Variants in TRAPPC3 observed in about 807,000 individuals in gnomAD.
The protein encoded by TRAPPC3 is trafficking protein particle complex 3.
Under a neutral mutation model 18.2 loss-of-function variants are expected in TRAPPC3, and 5 were observed. The observed-to-expected ratio is 0.28, with a 90% CI of 0.14 to 0.58. The LOEUF is 0.58. Among genes scored for constraint, TRAPPC3 ranks in the 20% least tolerant of loss-of-function variants. TRAPPC3 has a pLI of 0.91. For missense variants in TRAPPC3, 176 were observed against 225.9 expected (o/e 0.78, Z 1.41); for synonymous variants, 65 against 84.2 (o/e 0.77, Z 1.25).
In TRAPPC3 at chr1:36,149,375, A is replaced by G; in HGVS notation, c.4T>C (p.Ser2Pro). MSRQANRGTESK... is the reference protein window; with the variant it reads MPRQANRGTESK... ...TCGGTGCCACGGTTCGCCTGCCTCGACATGGTGCCGGCCGCCCCGCCCCAC... is the reference window on the plus strand; with the variant it reads ...TCGGTGCCACGGTTCGCCTGCCTCGGCATGGTGCCGGCCGCCCCGCCCCAC... The change falls in exon 1 of 5, where the codon TCG (serine) becomes CCG (proline). Residue 2 changes from serine to proline, a missense_variant. Physicochemically the swap from Ser to Pro is moderately conservative, Grantham distance 74. This residue lies in a region of TRAPPC3 where 147 missense variants were observed against 164.3 expected (regional missense o/e 0.89). Coordinates refer to ENST00000373166, the MANE Select transcript of TRAPPC3 (RefSeq NM_014408.5). 1 of 1,613,120 alleles carries G rather than the reference A, an allele frequency of 6.2e-7. No individual in the cohort carries two copies.
upstream of TRAPPC3, among the ~76,000 whole-genome samples, chr1:36,151,762 CCTT>C (rs1408219305): frequency 6.6e-6 from 1 of 152,192 alleles, no homozygotes; most frequent in Non-Finnish European, 1.5e-5. Context: ...ACCCTCTTCT[CCTT>C]CTCCCTAGAA....
intron 1 of TRAPPC3, among the ~76,000 whole-genome samples, chr1:36,141,786 C>G (rs532712351): frequency 6.6e-6 from 1 of 151,712 alleles, no homozygotes. Flanking sequence ...GGTGAAACCC[C>G]GTCTCTACTA....
chr1:36,143,870 T>G (rs1472901254), intron 1 of TRAPPC3, among the ~76,000 whole-genome samples: 2 of 152,200 alleles, frequency 1.3e-5, no homozygotes, highest in Admixed American at 1.3e-4. Context: ...TTACCTGCCT[T>G]TCAGAGTTAC....
intron 3 of TRAPPC3, among the ~76,000 whole-genome samples, chr1:36,138,856 C>T (rs1644063688): frequency 6.6e-6 from 1 of 151,688 alleles, no homozygotes; most frequent in Non-Finnish European, 1.5e-5. Flanking sequence ...CATGGAGAAA[C>T]CCCATCTCTA....
upstream of TRAPPC3, among the ~76,000 whole-genome samples, chr1:36,153,030 A>C (rs911906176): frequency 6.6e-6 from 1 of 152,024 alleles, no homozygotes; most frequent in African/African-American, 2.4e-5. Flanking sequence ...GGAACAGCTC[A>C]CTCATGCCTG....
intron 3 of TRAPPC3, among the ~76,000 whole-genome samples, chr1:36,139,109 TA>T (rs1156574779): frequency 1.3e-5 from 2 of 148,900 alleles, no homozygotes; most frequent in African/African-American, 2.5e-5. Flanking sequence ...GTAACTTATC[TA>T]AAAACACAAA....
chr1:36,149,747 C>A (rs1214905063), upstream of TRAPPC3, among the ~76,000 whole-genome samples: 1 of 152,192 alleles, frequency 6.6e-6, no homozygotes, highest in Non-Finnish European at 1.5e-5. Flanking sequence ...CACACGCTTC[C>A]TCCTTGTCCC....
At chr1:36,141,495 T>C (rs1644106900) in intron 1 of TRAPPC3, among the ~76,000 whole-genome samples, 2 of 152,200 alleles carry the variant, frequency 1.3e-5, no homozygotes, top group South Asian at 4.1e-4. Flanking sequence ...GCCATCCCCA[T>C]GGCCTGATGA....
At chr1:36,137,612 G>A in intron 4 of TRAPPC3, 184 bp downstream of exon 4, 1 of 686,956 alleles carries the variant, frequency 1.5e-6, no homozygotes, top group Non-Finnish European at 2.4e-6. Context: ...CACCAGCCTG[G>A]TATGGAGGAG....
In TRAPPC3 at chr1:36,137,242, G is replaced by C. The variant is rs1039592815; in HGVS notation, c.504C>G (p.Ile168Met). The stretch of plus-strand genomic sequence containing the variant: ...CTGGAAGATTGTCCTCAATCCGCCT[G>C]ATGAATCTCATCCGGATTTCTGTCA... Reference protein sequence around the residue: ...DGVTEIRMRFIRRIEDNLPAG... With the variant: ...DGVTEIRMRFMRRIEDNLPAG... Residue 168 changes from isoleucine to methionine, a missense_variant, in exon 5 of 5, where the codon ATC (isoleucine) becomes ATG (methionine). Coordinates refer to ENST00000373166, the MANE Select transcript of TRAPPC3 (RefSeq NM_014408.5). 1.2e-6 allele frequency: 2 copies of C among 1,613,086 alleles called. No homozygotes were observed. Among genetic ancestry groups the C allele is most frequent in the Non-Finnish European group, 8.5e-7 (1 of 1,179,110 alleles).
chr1:36,149,516 G>A (rs1644251835), upstream of TRAPPC3: 1 of 1,129,562 alleles, frequency 8.9e-7, no homozygotes, highest in Non-Finnish European at 1.3e-6. Context: ...GCCTCCCGCG[G>A]GGCACCACGG....
chr1:36,143,822 G>T (rs574980808), intron 1 of TRAPPC3, among the ~76,000 whole-genome samples: 9 of 152,284 alleles, frequency 5.9e-5, no homozygotes, highest in African/African-American at 2.2e-4. Flanking sequence ...TAATCTTCCT[G>T]AACATTAGTT....
intron 4 of TRAPPC3, 106 bp downstream of exon 4, chr1:36,137,690 G>A (rs1018480314): frequency 1.5e-5 from 18 of 1,230,204 alleles, no homozygotes; most frequent in Admixed American, 4.8e-5. Context: ...GCAGTAAAGC[G>A]CTGGGGTGAG....
chr1:36,141,473 A>G (rs1000234844), intron 1 of TRAPPC3, among the ~76,000 whole-genome samples: 1 of 152,202 alleles, frequency 6.6e-6, no homozygotes, highest in Admixed American at 6.5e-5. Flanking sequence ...CTGAGGACCC[A>G]ATGCTCCTCA....
intron 1 of TRAPPC3, among the ~76,000 whole-genome samples, chr1:36,146,130 G>A (rs1644194888): frequency 6.6e-6 from 1 of 151,748 alleles, no homozygotes; most frequent in South Asian, 2.1e-4. Flanking sequence ...CCAGGCGGGA[G>A]TGCCGTGGTG....
At position 36,137,799 on chromosome 1, in the gene TRAPPC3, C is replaced by G. The variant is rs1384802966; in HGVS notation, c.420G>C (p.Glu140Asp). The G allele has an allele frequency of 6.2e-7, 1 of 1,613,452 alleles. No homozygotes were observed. Among genetic ancestry groups the G allele is most frequent in the Admixed American group, 1.7e-5 (1 of 59,918 alleles). The change falls in exon 4 of 5, where the codon GAG becomes GAC. Residue 140 changes from glutamate (E) to aspartate (D), a missense_variant. Around this residue, in one of 2 missense-constraint regions of TRAPPC3, gnomAD observed 29 missense variants for 61.5 expected, o/e 0.47. Coordinates refer to ENST00000373166, the MANE Select transcript of TRAPPC3 (RefSeq NM_014408.5). Reference protein sequence around the residue: ...LLCGVLRGALEMVQMAVEAKF... With the variant: ...LLCGVLRGALDMVQMAVEAKF... ...GAAGATAAAGAGTTGCACTCACCAT[C>G]TCCAAAGCTCCCCGCAACACCCCAC...
At chr1:36,153,418 G>A (rs1266180675), upstream of TRAPPC3, among the ~76,000 whole-genome samples, 2 of 152,166 alleles carry the variant, frequency 1.3e-5, no homozygotes, top group Non-Finnish European at 2.9e-5. Context: ...CACTCCCTGT[G>A]GACTCATCAG....
intron 1 of TRAPPC3, among the ~76,000 whole-genome samples, chr1:36,147,537 G>A (rs1182375119): frequency 1.3e-5 from 2 of 152,028 alleles, no homozygotes; most frequent in Non-Finnish European, 1.5e-5. Flanking sequence ...CCAGCTACTT[G>A]GGAGGCTGAG....
chr1:36,146,823 A>T (rs578138252), intron 1 of TRAPPC3, among the ~76,000 whole-genome samples: 2 of 152,316 alleles, frequency 1.3e-5, no homozygotes, highest in South Asian at 4.1e-4. Flanking sequence ...AAAGTTAGGG[A>T]CTAGGACTTC....
Sources: allele counts gnomAD v4.1 joint callset (sites outside exome capture counted in the v4.1 genomes callset), GRCh38; gene constraint gnomAD v4.1.1; regional missense constraint gnomAD v4.1.1; transcripts MANE v1.5; gene names NCBI Gene and HGNC (gene_info 2026-07-23, HGNC 2026-07-21).